NKAIN1: variants seen among roughly 807,000 people sequenced by gnomAD.
NKAIN1 encodes sodium/potassium-transporting ATPase subunit beta-1-interacting protein 1.
In NKAIN1, 13 loss-of-function variants were observed where a neutral mutation model predicts 31.6. The observed-to-expected ratio is 0.41, with a 90% CI of 0.27 to 0.65. The LOEUF (loss-of-function observed/expected upper bound fraction) is 0.65, where lower values mean the gene tolerates loss of function less well. Among genes scored for constraint, NKAIN1 ranks in the 30% least tolerant of loss-of-function variants. The pLI, the probability that NKAIN1 is intolerant of heterozygous loss-of-function variation, is 0.30. For missense variants in NKAIN1, 193 were observed against 262.2 expected, an observed-to-expected ratio of 0.74 and a Z score of 1.82; for synonymous variants, 104 against 109.0, an observed-to-expected ratio of 0.95 and a Z score of 0.28.
At chr1:31,215,630 C>T (rs986237022) in intron 1 of NKAIN1, among the ~76,000 whole-genome samples, 1 of 152,140 alleles carries the variant, frequency 6.6e-6, no homozygotes, top group Admixed American at 6.5e-5. Context: ...ACCTCCTCCA[C>T]CCCTCCCCTC....
At chr1:31,224,055 G>A (rs1470254511) in intron 1 of NKAIN1, among the ~76,000 whole-genome samples, 1 of 152,182 alleles carries the variant, frequency 6.6e-6, no homozygotes, top group African/African-American at 2.4e-5. Context: ...TTGCTTGAAT[G>A]CCTCCAGGGA....
intron 1 of NKAIN1, among the ~76,000 whole-genome samples, chr1:31,201,219 A>G (rs1645377300): frequency 6.6e-6 from 1 of 152,100 alleles, no homozygotes; most frequent in Non-Finnish European, 1.5e-5. Context: ...CACCAGTAAC[A>G]TCTGTCCCAT....
intron 1 of NKAIN1, among the ~76,000 whole-genome samples, chr1:31,231,797 C>T (rs753814034): frequency 6.1e-4 from 93 of 152,234 alleles, no homozygotes; most frequent in Non-Finnish European, 4.7e-4. Flanking sequence ...CCCAAAGTGC[C>T]GGGATTACAA....
chr1:31,231,334 CT>C lies in NKAIN1; in HGVS notation c.54+8159del, dbSNP rs34019998. ...CCAGCCTCTGGTAATCCTTATTCTACTTTTTTTTTTTTTTTTTTTAATAGAT... is the reference window on the plus strand; with the variant it reads ...CCAGCCTCTGGTAATCCTTATTCTACTTTTTTTTTTTTTTTTTTAATAGAT... On this transcript the variant is annotated intron_variant, in intron 1 of 6. Transcript: ENST00000373736. 3.7e-3 allele frequency among the ~76,000 whole-genome samples: 461 copies of C among 123,610 alleles called. 5 individuals are homozygous for C. Among genetic ancestry groups the C allele is most frequent in the Middle Eastern group, 9.4e-3 (2 of 212 alleles). 81.1% of individuals were successfully genotyped at this position (123,610 alleles called of 152,430 possible).
chr1:31,230,100 G>C (rs1645634230), intron 1 of NKAIN1, among the ~76,000 whole-genome samples: 1 of 152,140 alleles, frequency 6.6e-6, no homozygotes, highest in South Asian at 2.1e-4. Context: ...TGCTGCTCCA[G>C]CTTGAGCCTT....
Position 31,239,762 on chromosome 1 carries a change from C to G in NKAIN1, c.-215G>C, listed in dbSNP as rs1253410656. Reference sequence around the variant, plus strand: ...GGTCCGTCCGTCCGCGCGCTGGCCCCGCCGAGCCGCGCCTCCTTTGTCTAG... The same window carrying G: ...GGTCCGTCCGTCCGCGCGCTGGCCCGGCCGAGCCGCGCCTCCTTTGTCTAG... On this transcript the variant is annotated 5_prime_UTR_variant, in exon 1 of 7. Coordinates refer to ENST00000373736, the MANE Select transcript of NKAIN1 (RefSeq NM_024522.3). This position sits in a 1 kb window ranked among gnomAD's most constrained non-coding sequence, Gnocchi z 4.8. Among the ~76,000 whole-genome samples the G allele has an allele frequency of 6.6e-6, 1 of 151,416 alleles. No individual in the cohort carries two copies. Among genetic ancestry groups the G allele is most frequent in the Non-Finnish European group, 1.5e-5 (1 of 67,792 alleles).
At chr1:31,201,165 C>A (rs1207031811) in intron 1 of NKAIN1, among the ~76,000 whole-genome samples, 1 of 152,106 alleles carries the variant, frequency 6.6e-6, no homozygotes, top group African/African-American at 2.4e-5. Flanking sequence ...CAGCTCCTGT[C>A]CTCTTGGGGA....
chr1:31,194,439 A>C (rs1275885687), intron 1 of NKAIN1, among the ~76,000 whole-genome samples: 32 of 80,854 alleles, frequency 4.0e-4, no homozygotes, highest in Admixed American at 5.7e-4. Context: ...TTGGAGTTTC[A>C]CTCGTCACCC....
intron 1 of NKAIN1, among the ~76,000 whole-genome samples, chr1:31,203,742 G>A (rs554146992): frequency 4.6e-5 from 7 of 151,998 alleles, no homozygotes; most frequent in African/African-American, 1.4e-4. Context: ...CCACCACCAC[G>A]CCTGGCCAAT....
chr1:31,198,901 A>G (rs1270264677), intron 1 of NKAIN1, among the ~76,000 whole-genome samples: 1 of 152,166 alleles, frequency 6.6e-6, no homozygotes, highest in East Asian at 1.9e-4. Flanking sequence ...AGGGCTGAAT[A>G]ATGCAGATGG....
chr1:31,212,701 A>C, intron 1 of NKAIN1, among the ~76,000 whole-genome samples: 1 of 149,962 alleles, frequency 6.7e-6, no homozygotes, highest in African/African-American at 2.4e-5. Context: ...CACCGCACCC[A>C]GCCATAAAAA....
intron 1 of NKAIN1, among the ~76,000 whole-genome samples, chr1:31,206,337 A>G (rs1301292918): frequency 6.6e-6 from 1 of 151,750 alleles, no homozygotes; most frequent in Non-Finnish European, 1.5e-5. Context: ...TCTTCTTCAT[A>G]GAGAAGTTAG....
chr1:31,193,793 A>C (rs543911881), intron 1 of NKAIN1: 1 of 152,078 alleles, frequency 6.6e-6, no homozygotes, highest in Admixed American at 6.6e-5. Context: ...ATAAGAACAA[A>C]ATAAGAGGAA....
chr1:31,232,426 GAGAGAGA>G (rs1557664486), intron 1 of NKAIN1, among the ~76,000 whole-genome samples: 326 of 12,512 alleles, frequency 0.026, 49 homozygotes, highest in African/African-American at 0.069. Flanking sequence ...TATATATATA[GAGAGAGA>G]GAGAGAGAGA....
In NKAIN1 at chr1:31,232,414, TATATATATATAGAGAGAG is replaced by T. The variant is rs1251661198; in HGVS notation, c.54+7062_54+7079del. On this transcript the variant is annotated intron_variant, in intron 1 of 6. Transcript: ENST00000373736. ...CCTACTTCATATATATATATATATA[TATATATATATAGAGAGAG>T]AGAGAGAGAGAGAGAGAGAGAGAGA... is the stretch of plus-strand genomic sequence containing the variant. 2.1e-4 allele frequency among the ~76,000 whole-genome samples: 7 copies of T among 33,872 alleles called. No individual in the cohort carries two copies. The East Asian group carries it at 8.0e-3, about 39-fold the overall frequency. The allele number at this position is 33,872 out of a possible 152,430, so 22.2% of individuals were successfully genotyped here.
At chr1:31,230,679 C>G (rs949119237) in intron 1 of NKAIN1, among the ~76,000 whole-genome samples, 16 of 152,128 alleles carry the variant, frequency 1.1e-4, no homozygotes, top group African/African-American at 3.9e-4. Context: ...CAGCTCTCCC[C>G]CCATGGCCTG....
intron 1 of NKAIN1, among the ~76,000 whole-genome samples, chr1:31,215,424 T>C (rs1645503615): frequency 6.6e-6 from 1 of 152,166 alleles, no homozygotes; most frequent in South Asian, 2.1e-4. Context: ...ACCACTCAGA[T>C]TGTGATTTAC....
chr1:31,231,616 C>T (rs374149473), intron 1 of NKAIN1, among the ~76,000 whole-genome samples: 74 of 152,200 alleles, frequency 4.9e-4, no homozygotes, highest in African/African-American at 7.0e-4. Flanking sequence ...CTGCAAGCTC[C>T]GCCTCCTGGG....
rs201114902 is a variant in NKAIN1, at chr1:31,225,038, T to C, written c.54+14456A>G. Among the ~76,000 whole-genome samples the C allele has an allele frequency of 2.9e-4, 22 of 75,872 alleles. 1 individual carries two copies. The highest frequency in any genetic ancestry group is 1.1e-3 in the African/African-American group (9 of 8,048). 49.8% of individuals were successfully genotyped at this position (75,872 alleles called of 152,430 possible). Reference sequence around the variant, plus strand: ...ATTTCTTTTTCTTTTCTTTTCTTTTTTTTTTTTTGAGACGGACTCTCACTT... The same window carrying C: ...ATTTCTTTTTCTTTTCTTTTCTTTTCTTTTTTTTGAGACGGACTCTCACTT... On this transcript the variant is annotated intron_variant, in intron 1 of 6. Coordinates refer to ENST00000373736, the MANE Select transcript of NKAIN1 (RefSeq NM_024522.3).
Sources: gnomAD v4.1 joint callset for allele counts (sites outside exome capture counted in the v4.1 genomes callset) on GRCh38, gnomAD v4.1.1 for gene constraint, Gnocchi (gnomAD v3.1) non-coding constraint, MANE v1.5 for transcripts, NCBI Gene and HGNC (gene_info 2026-07-23, HGNC 2026-07-21) for gene names.